Variants in CHPT1 observed in about 807,000 individuals in gnomAD.
CHPT1 encodes the protein cholinephosphotransferase 1.
A neutral mutation model predicts 47.6 loss-of-function variants in CHPT1; 36 were observed. The ratio of observed to expected loss-of-function variants is 0.76; its 90% CI spans 0.58 to 1.00. CHPT1 has a LOEUF of 1.00. CHPT1 is among the 50% of genes least tolerant of loss of function. The pLI is 0.00. For missense variants in CHPT1, 458 were observed against 498.1 expected (o/e 0.92, Z 0.77); for synonymous variants, 194 against 186.3 (o/e 1.04, Z -0.33).
Position 101,713,650 on chromosome 12 carries a change from T to G in CHPT1, c.274-440T>G, listed in dbSNP as rs147489507. Among the ~76,000 whole-genome samples, 112 of 150,004 alleles carry G rather than the reference T, an allele frequency of 7.5e-4. No individual in the cohort carries two copies. In the East Asian group the frequency reaches 0.02, roughly 26 times the overall value. The stretch of plus-strand genomic sequence containing the variant: ...TGTTTTTTGTTTTTTTAAAAATATA[T>G]TTTATTGCCTTTCTAGTTATATAAG... On this transcript the variant is annotated intron_variant, in intron 1 of 8. Transcript: ENST00000229266.
chr12:101,707,840 T>C (rs1322783446), intron 1 of CHPT1, among the ~76,000 whole-genome samples: 1 of 152,158 alleles, frequency 6.6e-6, no homozygotes, highest in African/African-American at 2.4e-5. Flanking sequence ...ATGCCTCCTC[T>C]CTCACCTCAA....
rs11110976 is a variant in CHPT1 at position 101,711,851 on chromosome 12, T to C, written c.274-2239T>C. ...AGAATTTACTAGGTTAACAGAATTG[T>C]TCTCTGTAAGACACTTTGGGATTCT... On this transcript the variant is annotated intron_variant, in intron 1 of 8. Coordinates refer to ENST00000229266, the MANE Select transcript of CHPT1 (RefSeq NM_020244.3). Among the ~76,000 whole-genome samples, 3,303 of 148,754 alleles carry C rather than the reference T, an allele frequency of 0.022. 612 individuals carry two copies. The East Asian group carries it at 0.36, about 16-fold the overall frequency.
In CHPT1 at chr12:101,714,566, T is replaced by C. The variant is rs1205415507; in HGVS notation, c.484T>C (p.Phe162Leu). Residue 162 changes from phenylalanine (F) to leucine (L), a missense_variant, in exon 3 of 9, where the codon TTC becomes CTC. Transcript: ENST00000229266. ...RLGTYPDWFFFCSFIGMFVFY... is the reference protein window; with the variant it reads ...RLGTYPDWFFLCSFIGMFVFY... ...AGGAACTTATCCTGACTGGTTTTTT[T>C]TCTGCTCTTTTATTGGGATGTTTGT... The C allele has an allele frequency of 6.2e-7, 1 of 1,613,274 alleles. No homozygotes were observed. Among genetic ancestry groups the C allele is most frequent in the African/African-American group, 1.3e-5 (1 of 74,902 alleles).
At chr12:101,701,667 A>G (rs975865871) in intron 1 of CHPT1, among the ~76,000 whole-genome samples, 3 of 152,230 alleles carry the variant, frequency 2.0e-5, no homozygotes, top group African/African-American at 7.2e-5. Flanking sequence ...GAGCAGGACA[A>G]CTTACCAGAT....
Position 101,698,050 on chromosome 12 carries a change from C to T in CHPT1, c.189C>T (p.Pro63=). ...LLQWIPLWMA[P]NSITLLGLAV... is the part of the protein sequence containing the mutation. The stretch of plus-strand genomic sequence containing the variant: ...AGTGGATCCCGCTCTGGATGGCCCC[C>T]AACTCCATCACCCTGCTGGGGCTCG... Residue 63 remains proline, a synonymous_variant, in exon 1 of 9, where the codon CCC becomes CCT. Transcript: ENST00000229266. 1 of 1,577,680 alleles carries T rather than the reference C, an allele frequency of 6.3e-7. No homozygotes were observed. Among genetic ancestry groups the T allele is most frequent in the Non-Finnish European group, 8.5e-7 (1 of 1,170,290 alleles).
chr12:101,719,780 A>G (rs1951819529), intron 4 of CHPT1: 2 of 238,872 alleles, frequency 8.4e-6, no homozygotes, highest in South Asian at 9.9e-5. Context: ...ACTTATGAAG[A>G]AAGCAGTTTC....
chr12:101,715,488 C>T (rs552761341), intron 3 of CHPT1, among the ~76,000 whole-genome samples: 7 of 151,544 alleles, frequency 4.6e-5, no homozygotes, highest in East Asian at 1.9e-4. Context: ...TACCACCTAT[C>T]GAGCACTTAC....
intron 4 of CHPT1, among the ~76,000 whole-genome samples, chr12:101,718,546 G>C (rs1203086411): frequency 6.6e-6 from 1 of 151,806 alleles, no homozygotes; most frequent in Non-Finnish European, 1.5e-5. Context: ...TGTAGTCCCA[G>C]CTACTCAGGA....
rs1410974804 is a variant in CHPT1 at position 101,714,112 on chromosome 12, T to C, written c.296T>C (p.Leu99Ser). Residue 99 changes from leucine (L) to serine (S), a missense_variant, in exon 2 of 9, where the codon TTA (leucine) becomes TCA (serine). By Grantham distance (145) the Leu-to-Ser change is moderately radical. Coordinates refer to ENST00000229266, the MANE Select transcript of CHPT1 (RefSeq NM_020244.3). ...TEEAPYWTYLLCALGLFIYQS... is the reference protein window; with the variant it reads ...TEEAPYWTYLSCALGLFIYQS... ...TAGGCACCATACTGGACATACCTTT[T>C]ATGTGCACTGGGACTTTTTATTTAC... 1 of 1,608,010 alleles carries C rather than the reference T, an allele frequency of 6.2e-7. No individual in the cohort carries two copies. Among genetic ancestry groups the C allele is most frequent in the East Asian group, 2.2e-5 (1 of 44,828 alleles).
chr12:101,719,924 T>C (rs544043076), intron 4 of CHPT1, 199 bp from the exon 5 acceptor site: 223 of 312,278 alleles, frequency 7.1e-4, no homozygotes, highest in African/African-American at 4.6e-3. Flanking sequence ...CTACAAAAAA[T>C]AATAAAAATT....
chr12:101,707,406 G>T (rs1048234932), intron 1 of CHPT1, among the ~76,000 whole-genome samples: 13 of 152,208 alleles, frequency 8.5e-5, no homozygotes. Flanking sequence ...CAGAAGAGCT[G>T]TTCCTAAACT....
In CHPT1 at chr12:101,721,827, G is replaced by A. The variant is rs545812899; in HGVS notation, c.781-1341G>A. On this transcript the variant is annotated intron_variant, in intron 5 of 8. Coordinates refer to ENST00000229266, the MANE Select transcript of CHPT1 (RefSeq NM_020244.3). ...TGTAATCCCAGCACTTTGGGAGGCC[G>A]AGGCGGGCAGATCATTAGGTCAGGA... Among the ~76,000 whole-genome samples the A allele has an allele frequency of 1.4e-3, 209 of 152,184 alleles. 1 individual carries two copies. The highest frequency in any genetic ancestry group is 3.4e-3 in the Middle Eastern group (1 of 294).
At chr12:101,725,366 A>C (rs1370976959) in intron 7 of CHPT1, among the ~76,000 whole-genome samples, 1 of 152,110 alleles carries the variant, frequency 6.6e-6, no homozygotes, top group African/African-American at 2.4e-5. Context: ...ATCCACTATA[A>C]ATATTTTTAG....
chr12:101,725,458 A>C (rs1315789201), intron 7 of CHPT1, among the ~76,000 whole-genome samples: 13 of 152,156 alleles, frequency 8.5e-5, no homozygotes, highest in Non-Finnish European at 1.5e-5. Flanking sequence ...TCTTTTAGTG[A>C]ACTTAGGTAT....
intron 1 of CHPT1, among the ~76,000 whole-genome samples, chr12:101,708,378 G>C (rs1421031382): frequency 6.6e-6 from 1 of 151,206 alleles, no homozygotes; most frequent in African/African-American, 2.4e-5. Flanking sequence ...ATTTTTAGTA[G>C]TTATTTTGTT....
intron 1 of CHPT1, among the ~76,000 whole-genome samples, chr12:101,700,218 C>T (rs1256567643): frequency 6.6e-6 from 1 of 150,666 alleles, no homozygotes; most frequent in Non-Finnish European, 1.5e-5. Flanking sequence ...TTAGAAAGAG[C>T]AGGGCTTACC....
chr12:101,706,581 G>A lies in CHPT1; in HGVS notation c.274-7509G>A, dbSNP rs1951637056. 2.0e-5 allele frequency among the ~76,000 whole-genome samples: 3 copies of A among 152,146 alleles called. 1 individual carries two copies. The South Asian group carries it at 6.2e-4, about 32-fold the overall frequency. On this transcript the variant is annotated intron_variant, in intron 1 of 8. Transcript: ENST00000229266. ...GTGAAATTTGTCCAGTGAGTTCAGT[G>A]GATCTCAGCATGCAGCTTTCACCTG... is the stretch of plus-strand genomic sequence containing the variant.
rs1057474269 is a variant in CHPT1, at chr12:101,697,774, G to A, written c.-88G>A. Reference sequence around the variant, plus strand: ...GTCCAGCCCGGCAGTCGCAGGACCCGGCCGCCAGCCTCTCCCTCCACCTCT... The same window carrying A: ...GTCCAGCCCGGCAGTCGCAGGACCCAGCCGCCAGCCTCTCCCTCCACCTCT... On this transcript the variant is annotated 5_prime_UTR_variant, in exon 1 of 9. Coordinates refer to ENST00000229266, the MANE Select transcript of CHPT1 (RefSeq NM_020244.3). The A allele has an allele frequency of 2.0e-5, 8 of 409,440 alleles. No individual in the cohort carries two copies. The highest frequency in any genetic ancestry group is 1.2e-4 in the Admixed American group (2 of 16,586). The allele number at this position is 409,440 out of a possible 1,614,324, so 25.4% of individuals were successfully genotyped here. A position where few individuals can be genotyped will look rare whatever the true frequency, so the allele number is the denominator to read the frequency against.
intron 1 of CHPT1, among the ~76,000 whole-genome samples, chr12:101,705,299 G>C (rs1951615903): frequency 1.0e-5 from 1 of 96,920 alleles, no homozygotes; most frequent in Admixed American, 9.9e-5. Flanking sequence ...CTGACCTCGG[G>C]TGATCCACCC....
Sources: gnomAD v4.1 joint callset for allele counts (sites outside exome capture counted in the v4.1 genomes callset) on GRCh38, gnomAD v4.1.1 for gene constraint, MANE v1.5 for transcripts, NCBI Gene and HGNC (gene_info 2026-07-23, HGNC 2026-07-21) for gene names.